MAN2A1: variants seen among roughly 807,000 people sequenced by gnomAD.
The protein encoded by MAN2A1 is mannosidase alpha class 2A member 1.
Under a neutral mutation model 142.6 loss-of-function variants are expected in MAN2A1, and 76 were observed. That is an observed-to-expected ratio of 0.53 (90% confidence interval 0.44 to 0.65). MAN2A1 has a LOEUF of 0.65. Among genes scored for constraint, MAN2A1 ranks in the 30% least tolerant of loss-of-function variants. The pLI is 0.00. For synonymous variants in MAN2A1, 559 were observed against 473.2 expected (o/e 1.18, Z -2.35); for missense variants, 1,311 against 1,365.1 (o/e 0.96, Z 0.62).
At chr5:109,769,636 G>T (rs1247660988) in intron 6 of MAN2A1, among the ~76,000 whole-genome samples, 1 of 152,176 alleles carries the variant, frequency 6.6e-6, no homozygotes, top group Admixed American at 6.5e-5. Flanking sequence ...TTAATTAAAA[G>T]TAATTCTGCA....
At position 109,851,563 on chromosome 5, in the gene MAN2A1, A is replaced by G. The variant is rs551135050; in HGVS notation, c.2977-3577A>G. On this transcript the variant is annotated intron_variant, in intron 19 of 21. Coordinates refer to ENST00000261483, the MANE Select transcript of MAN2A1 (RefSeq NM_002372.4). ...GTGATAATGCAGCAAGAAGGCCCTCACCAGATGCCAGTGCCATGCTCTTGG... is the reference window on the plus strand; with the variant it reads ...GTGATAATGCAGCAAGAAGGCCCTCGCCAGATGCCAGTGCCATGCTCTTGG... Among the ~76,000 whole-genome samples, 11 of 152,296 alleles carry G rather than the reference A, an allele frequency of 7.2e-5. No homozygotes were observed. The South Asian group carries it at 2.3e-3, about 32-fold the overall frequency.
chr5:109,749,354 G>A (rs968231649), intron 4 of MAN2A1, among the ~76,000 whole-genome samples: 11 of 152,044 alleles, frequency 7.2e-5, no homozygotes, highest in Admixed American at 5.3e-4. Context: ...GGTAAAATGC[G>A]GAATGACAGA....
chr5:109,770,257 A>T, intron 6 of MAN2A1, 98 bp from the exon 7 acceptor site: 1 of 1,133,280 alleles, frequency 8.8e-7, no homozygotes, highest in East Asian at 2.4e-5. Context: ...GCACAGAGCT[A>T]AATCAGCATT....
chr5:109,839,578 G>A (rs1755145714), intron 16 of MAN2A1, among the ~76,000 whole-genome samples: 1 of 149,214 alleles, frequency 6.7e-6, no homozygotes, highest in Non-Finnish European at 1.5e-5. Flanking sequence ...TCAGGAGGCT[G>A]AAGTGGGAAG....
intron 1 of MAN2A1, among the ~76,000 whole-genome samples, chr5:109,692,213 G>A (rs972017901): frequency 2.0e-5 from 3 of 152,136 alleles, no homozygotes; most frequent in African/African-American, 7.2e-5. Flanking sequence ...GCTAATTCCA[G>A]TATTGTAATA....
chr5:109,718,552 C>T (rs946799892), intron 3 of MAN2A1, among the ~76,000 whole-genome samples: 2 of 152,158 alleles, frequency 1.3e-5, no homozygotes, highest in Admixed American at 6.6e-5. Context: ...CGGCAAAGAA[C>T]ATATGCCTCC....
chr5:109,770,256 T>C, intron 6 of MAN2A1, 99 bp from the exon 7 acceptor site: 1 of 1,121,602 alleles, frequency 8.9e-7, no homozygotes, highest in East Asian at 2.4e-5. Flanking sequence ...AGCACAGAGC[T>C]AAATCAGCAT....
In MAN2A1 at chr5:109,729,500, G is replaced by A. The variant is rs1359989748; in HGVS notation, c.694G>A (p.Asp232Asn). The stretch of plus-strand genomic sequence containing the variant: ...GGATATTATAGATATTCAGAAGAAG[G>A]ATGCTGTTAAAAGGTTTGTTTTAAA... ...WWDIIDIQKKDAVKSLIENGQ... is the reference protein window; with the variant it reads ...WWDIIDIQKKNAVKSLIENGQ... The change falls in exon 4 of 22, where the codon GAT becomes AAT. Residue 232 changes from aspartate to asparagine, a missense_variant. Physicochemically the swap from Asp to Asn is conservative, Grantham distance 23. This residue lies in a region of MAN2A1 where 409 missense variants were observed against 412.7 expected (regional missense o/e 0.99). Transcript: ENST00000261483. 1 of 1,528,592 alleles carries A rather than the reference G, an allele frequency of 6.5e-7. No individual in the cohort carries two copies. Among genetic ancestry groups the A allele is most frequent in the African/African-American group, 1.4e-5 (1 of 71,248 alleles). The allele number at this position is 1,528,592 out of a possible 1,614,324, so 94.7% of individuals were successfully genotyped here.
intron 20 of MAN2A1, among the ~76,000 whole-genome samples, chr5:109,860,553 A>G (rs763944035): frequency 2.6e-5 from 4 of 152,186 alleles, no homozygotes; most frequent in Non-Finnish European, 5.9e-5. Flanking sequence ...GAATTTGGCC[A>G]AAGTTATGGC....
chr5:109,729,545 A>G lies in MAN2A1; in HGVS notation c.707+32A>G, dbSNP rs761360416. Reference sequence around the variant, plus strand: ...TTTAAAACTTTTTTGGAATTTGGTAATATTAAAGCTTAATTGTACAATGAA... The same window carrying G: ...TTTAAAACTTTTTTGGAATTTGGTAGTATTAAAGCTTAATTGTACAATGAA... On this transcript the variant is annotated intron_variant, in intron 4 of 21. Coordinates refer to ENST00000261483, the MANE Select transcript of MAN2A1 (RefSeq NM_002372.4). 155 of 1,229,386 alleles carry G rather than the reference A, an allele frequency of 1.3e-4. No individual in the cohort carries two copies. The Admixed American group carries it at 3.5e-3, about 27-fold the overall frequency. 76.2% of individuals were successfully genotyped at this position (1,229,386 alleles called of 1,614,324 possible).
intron 21 of MAN2A1, among the ~76,000 whole-genome samples, chr5:109,865,819 G>A (rs1440201271): frequency 6.6e-6 from 1 of 152,160 alleles, no homozygotes; most frequent in Non-Finnish European, 1.5e-5. Context: ...CATCAAGCCT[G>A]TCCTTGAAAG....
chr5:109,830,599 C>G (rs754736894), intron 16 of MAN2A1, among the ~76,000 whole-genome samples: 3 of 152,132 alleles, frequency 2.0e-5, no homozygotes, highest in Non-Finnish European at 4.4e-5. Context: ...TTCATGAAGA[C>G]ATTAAGATGG....
chr5:109,842,244 G>A, intron 16 of MAN2A1, 84 bp from the exon 17 acceptor site: 1 of 785,886 alleles, frequency 1.3e-6, no homozygotes, highest in Non-Finnish European at 1.9e-6. Flanking sequence ...ATGTAACTTT[G>A]GAAAGAGTTC....
chr5:109,849,918 A>G (rs544235653), intron 19 of MAN2A1, among the ~76,000 whole-genome samples: 2 of 152,138 alleles, frequency 1.3e-5, no homozygotes, highest in East Asian at 3.9e-4. Flanking sequence ...TTTAAGTCCC[A>G]AGTACTTTCC....
chr5:109,711,060 A>G (rs1751287251), intron 1 of MAN2A1, among the ~76,000 whole-genome samples: 1 of 152,180 alleles, frequency 6.6e-6, no homozygotes, highest in Non-Finnish European at 1.5e-5. Context: ...GCTCCTGACC[A>G]GGTGATCCAC....
At chr5:109,770,571 A>T (rs759287057) in intron 7 of MAN2A1, 30 bp downstream of exon 7, 21 of 1,597,300 alleles carry the variant, frequency 1.3e-5, no homozygotes, top group Admixed American at 1.7e-5. Context: ...ATAAGACAAC[A>T]TCTTGAATAA....
In MAN2A1 at chr5:109,784,858, A is replaced by G. The variant is rs368935205; in HGVS notation, c.1692A>G (p.Gly564=). ...TGACAGAAGCCAGAAGGAATTTGGG[A>G]CTGTTTCAACATCATGATGCTATCA... The part of the protein sequence containing the change: ...TALTEARRNL[G]LFQHHDAITG... The change falls in exon 10 of 22, where the codon GGA becomes GGG. Residue 564 remains glycine (G), a synonymous_variant. Coordinates refer to ENST00000261483, the MANE Select transcript of MAN2A1 (RefSeq NM_002372.4). 1 of 1,612,980 alleles carries G rather than the reference A, an allele frequency of 6.2e-7. No individual in the cohort carries two copies. The highest frequency in any genetic ancestry group is 2.2e-5 in the East Asian group (1 of 44,814).
At chr5:109,704,003 C>T (rs149094054) in intron 1 of MAN2A1, among the ~76,000 whole-genome samples, 2 of 152,268 alleles carry the variant, frequency 1.3e-5, no homozygotes, top group East Asian at 1.9e-4. Context: ...CTGTAGAAAA[C>T]GTCAGCAACT....
At chr5:109,712,170 A>C (rs575530411) in intron 1 of MAN2A1, among the ~76,000 whole-genome samples, 1 of 151,904 alleles carries the variant, frequency 6.6e-6, no homozygotes, top group African/African-American at 2.4e-5. Context: ...AGTTTGCTCA[A>C]ATGATTGGCC....
Sources: gnomAD v4.1 joint callset for allele counts (sites outside exome capture counted in the v4.1 genomes callset) on GRCh38, gnomAD v4.1.1 for gene constraint, gnomAD v4.1.1 regional missense constraint, MANE v1.5 for transcripts, NCBI Gene and HGNC (gene_info 2026-07-23, HGNC 2026-07-21) for gene names.